MAGI2: variants seen among roughly 807,000 people sequenced by gnomAD.
MAGI2 encodes the protein membrane-associated guanylate kinase, WW and PDZ domain-containing protein 2.
In MAGI2, 35 loss-of-function variants were observed where a neutral mutation model predicts 133.3. The observed-to-expected ratio is 0.26, with a 90% CI of 0.20 to 0.35. MAGI2 has a LOEUF of 0.35. MAGI2 is among the 10% of genes least tolerant of loss of function. MAGI2 has a pLI of 1.00. For synonymous variants in MAGI2, 729 were observed against 710.6 expected, an observed-to-expected ratio of 1.03 and a Z score of -0.41; for missense variants, 1,636 against 1,863.4, an observed-to-expected ratio of 0.88 and a Z score of 2.25.
At chr7:78,258,678 C>T (rs972388508) in intron 9 of MAGI2, among the ~76,000 whole-genome samples, 9 of 151,902 alleles carry the variant, frequency 5.9e-5, no homozygotes, top group Admixed American at 1.3e-4. Flanking sequence ...ATATTTTAAG[C>T]CTTTTGTAAA....
chr7:79,086,271 G>C (rs117825715), intron 1 of MAGI2, among the ~76,000 whole-genome samples: 18 of 151,916 alleles, frequency 1.2e-4, no homozygotes, highest in Non-Finnish European at 2.5e-4. Context: ...GAAGCTTCCT[G>C]ATAGGTCAAA....
At chr7:78,865,576 A>G in intron 2 of MAGI2, among the ~76,000 whole-genome samples, 1 of 152,200 alleles carries the variant, frequency 6.6e-6, no homozygotes, top group East Asian at 1.9e-4. Flanking sequence ...TAACACAAGA[A>G]GAGAAATTAA....
intron 2 of MAGI2, among the ~76,000 whole-genome samples, chr7:78,785,092 A>G (rs1826705487): frequency 6.6e-6 from 1 of 152,248 alleles, no homozygotes; most frequent in Non-Finnish European, 1.5e-5. Context: ...ACTAAACAAA[A>G]TGAACAAAAT....
chr7:78,612,150 G>T, intron 3 of MAGI2, among the ~76,000 whole-genome samples: 1 of 151,934 alleles, frequency 6.6e-6, no homozygotes. Context: ...AGTAATAGAA[G>T]AGTTATAAAC....
intron 21 of MAGI2, among the ~76,000 whole-genome samples, chr7:78,046,722 A>G (rs901325171): frequency 2.0e-5 from 3 of 152,322 alleles, no homozygotes; most frequent in African/African-American, 4.8e-5. Context: ...TTAGTTATGG[A>G]CCAATTGAAT....
intron 1 of MAGI2, among the ~76,000 whole-genome samples, chr7:79,075,283 C>T (rs889102333): frequency 2.6e-5 from 4 of 152,032 alleles, no homozygotes; most frequent in Non-Finnish European, 5.9e-5. Context: ...TGCCTTAGAG[C>T]AATCATGATT....
intron 2 of MAGI2, among the ~76,000 whole-genome samples, chr7:78,892,373 A>C (rs928856372): frequency 6.6e-6 from 1 of 152,192 alleles, no homozygotes; most frequent in Non-Finnish European, 1.5e-5. Context: ...GAATTGGAAA[A>C]AACTACTTTA....
rs115547617 is a variant in MAGI2 at position 78,018,215 on chromosome 7, T to G, written c.*1100A>C. On this transcript the variant is annotated 3_prime_UTR_variant, in exon 22 of 22. Transcript: ENST00000354212. ...GGAAAGAAGGATAAGCAGAAAGGAA[T>G]GCTAAAAAGACTCACGTTCTTTAAT... The G allele has an allele frequency of 1.1e-3, 166 of 152,676 alleles. No homozygotes were observed. The highest frequency in any genetic ancestry group is 3.8e-3 in the African/African-American group (159 of 41,570). 9.5% of individuals were successfully genotyped at this position (152,676 alleles called of 1,614,324 possible).
At chr7:78,085,766 T>G (rs1212322388) in intron 20 of MAGI2, among the ~76,000 whole-genome samples, 1 of 152,148 alleles carries the variant, frequency 6.6e-6, no homozygotes, top group Non-Finnish European at 1.5e-5. Context: ...CTATTGGAAG[T>G]GAAAGGCTGC....
intron 3 of MAGI2, among the ~76,000 whole-genome samples, chr7:78,550,828 T>C (rs960288760): frequency 6.6e-6 from 1 of 152,104 alleles, no homozygotes; most frequent in Non-Finnish European, 1.5e-5. Context: ...CCAATTTCCA[T>C]AGAGACAAGT....
At chr7:78,979,358 C>CG (rs879541240) in intron 2 of MAGI2, among the ~76,000 whole-genome samples, 82 of 151,886 alleles carry the variant, frequency 5.4e-4, no homozygotes, top group Non-Finnish European at 1.0e-3. Flanking sequence ...AAGTCCCCCC[C>CG]CAGCCAATGC....
intron 3 of MAGI2, among the ~76,000 whole-genome samples, chr7:78,621,990 T>A (rs145922443): frequency 1.3e-5 from 2 of 152,142 alleles, no homozygotes; most frequent in Non-Finnish European, 2.9e-5. Flanking sequence ...ACCATAAAAT[T>A]GGCTTTCTCT....
Position 78,689,595 on chromosome 7 carries a change from T to C in MAGI2, c.419-62356A>G, listed in dbSNP as rs567614780. Among the ~76,000 whole-genome samples, 20 of 152,048 alleles carry C rather than the reference T, an allele frequency of 1.3e-4. No individual in the cohort carries two copies. The South Asian group carries it at 3.7e-3, about 28-fold the overall frequency. ...CACATGACCGTCAGGCAACTATTAA[T>C]CTGCTTTCTGTCACTATAGATTAGT... On this transcript the variant is annotated intron_variant, in intron 2 of 21. Transcript: ENST00000354212.
intron 4 of MAGI2, among the ~76,000 whole-genome samples, chr7:78,504,696 G>A (rs1443483065): frequency 1.3e-5 from 2 of 151,992 alleles, no homozygotes; most frequent in African/African-American, 2.4e-5. Flanking sequence ...AGAAATAAAG[G>A]CAGTATTATA....
chr7:78,384,325 C>A (rs567495619), intron 6 of MAGI2, among the ~76,000 whole-genome samples: 22 of 152,214 alleles, frequency 1.4e-4, no homozygotes, highest in Middle Eastern at 3.4e-3. Context: ...AGTGACAAGT[C>A]ACAAGATCCA....
intron 9 of MAGI2, among the ~76,000 whole-genome samples, chr7:78,296,930 G>A (rs943835886): frequency 3.9e-5 from 6 of 152,126 alleles, no homozygotes; most frequent in Non-Finnish European, 7.3e-5. Flanking sequence ...ACACAGGGCA[G>A]TTGAGGAGAA....
chr7:78,302,394 T>A (rs1249221357), intron 9 of MAGI2, among the ~76,000 whole-genome samples: 1 of 152,206 alleles, frequency 6.6e-6, no homozygotes, highest in African/African-American at 2.4e-5. Flanking sequence ...TCTGTCAGTG[T>A]GGTGAATATT....
chr7:78,438,872 T>C (rs564515465), intron 6 of MAGI2, among the ~76,000 whole-genome samples: 1 of 152,318 alleles, frequency 6.6e-6, no homozygotes, highest in East Asian at 1.9e-4. Context: ...AAGACGCTTC[T>C]ATTTTGCTTG....
intron 21 of MAGI2, among the ~76,000 whole-genome samples, chr7:78,056,773 A>G (rs1812618600): frequency 6.6e-6 from 1 of 152,154 alleles, no homozygotes; most frequent in South Asian, 2.1e-4. Context: ...GCACATGTTT[A>G]CCTGCATAAC....
Sources: gnomAD v4.1 joint callset for allele counts (sites outside exome capture counted in the v4.1 genomes callset) on GRCh38, gnomAD v4.1.1 for gene constraint, MANE v1.5 for transcripts, NCBI Gene and HGNC (gene_info 2026-07-23, HGNC 2026-07-21) for gene names.